Variants in DYM observed in about 807,000 individuals in gnomAD.
DYM encodes the protein dyggve-Melchior-Clausen syndrome protein.
A neutral mutation model predicts 93.1 loss-of-function variants in DYM; 78 were observed. The ratio of observed to expected loss-of-function variants is 0.84; its 90% CI spans 0.70 to 1.01. The LOEUF is 1.01. DYM is among the 50% of genes least tolerant of loss of function. The pLI is 0.00. For missense variants in DYM, 789 were observed against 845.0 expected, an observed-to-expected ratio of 0.93 and a Z score of 0.82; for synonymous variants, 321 against 319.7, an observed-to-expected ratio of 1.00 and a Z score of -0.04.
chr18:49,345,870 A>C (rs2064548008), intron 6 of DYM, among the ~76,000 whole-genome samples: 1 of 152,362 alleles, frequency 6.6e-6, no homozygotes, highest in South Asian at 2.1e-4. Context: ...GCGGCAATAC[A>C]ACCTGAGCAA....
intron 8 of DYM, among the ~76,000 whole-genome samples, chr18:49,292,139 C>G (rs2145961864): frequency 1.3e-5 from 2 of 152,284 alleles, no homozygotes; most frequent in South Asian, 4.1e-4. Flanking sequence ...TTGACTACTA[C>G]TGAATAAATT....
intron 14 of DYM, among the ~76,000 whole-genome samples, chr18:49,208,199 A>AAAAT (rs1568605883): frequency 6.6e-6 from 1 of 151,266 alleles, no homozygotes; most frequent in East Asian, 1.9e-4. Context: ...AAAAAAAAAA[A>AAAAT]AAAAATTAAA....
intron 14 of DYM, among the ~76,000 whole-genome samples, chr18:49,203,748 C>T (rs539845803): frequency 0.011 from 1,581 of 139,644 alleles, 26 homozygotes; most frequent in African/African-American, 0.04. Flanking sequence ...CTAGGAAAAC[C>T]AGAGACCTTT....
At chr18:49,106,498 C>T (rs2080825596) in intron 16 of DYM, among the ~76,000 whole-genome samples, 1 of 152,168 alleles carries the variant, frequency 6.6e-6, no homozygotes, top group East Asian at 1.9e-4. Flanking sequence ...TTCTTCCCAG[C>T]CTCAATGGTC....
At chr18:49,108,008 A>G (rs1270903082) in intron 16 of DYM, among the ~76,000 whole-genome samples, 1 of 152,222 alleles carries the variant, frequency 6.6e-6, no homozygotes, top group Non-Finnish European at 1.5e-5. Context: ...CAAGACGTGG[A>G]GTCTACAGAG....
At chr18:49,197,595 A>G (rs1026901749) in intron 14 of DYM, among the ~76,000 whole-genome samples, 5 of 152,154 alleles carry the variant, frequency 3.3e-5, no homozygotes, top group South Asian at 2.1e-4. Flanking sequence ...AAATTTATCT[A>G]TTATAGCCAA....
At chr18:49,348,711 C>T (rs7505756) in intron 6 of DYM, among the ~76,000 whole-genome samples, 90,345 of 151,516 alleles carry the variant, frequency 0.6, 27,412 homozygotes, top group Non-Finnish European at 0.66. Context: ...GACATAGAGG[C>T]CATCCTGGCC....
chr18:49,322,720 A>C (rs976639548), intron 8 of DYM, among the ~76,000 whole-genome samples: 1 of 152,142 alleles, frequency 6.6e-6, no homozygotes, highest in Non-Finnish European at 1.5e-5. Context: ...GGAAATCATA[A>C]GGCCTTTATT....
chr18:49,126,523 G>C (rs912515386), intron 15 of DYM: 2 of 152,022 alleles, frequency 1.3e-5, no homozygotes, highest in Non-Finnish European at 2.9e-5. Flanking sequence ...CTTGTAAAAA[G>C]AAGAAAAATC....
At chr18:49,444,781 T>G (rs1039335266) in intron 1 of DYM, among the ~76,000 whole-genome samples, 1 of 152,182 alleles carries the variant, frequency 6.6e-6, no homozygotes, top group African/African-American at 2.4e-5. Context: ...GAAAAGAGTC[T>G]AAAAGAATTC....
chr18:49,405,357 G>A (rs2071354148), intron 2 of DYM, among the ~76,000 whole-genome samples: 1 of 152,088 alleles, frequency 6.6e-6, no homozygotes, highest in Non-Finnish European at 1.5e-5. Context: ...AGGTTTTCTT[G>A]TAGGATTCCT....
intron 1 of DYM, among the ~76,000 whole-genome samples, chr18:49,430,837 A>G (rs1392192057): frequency 6.6e-6 from 1 of 151,370 alleles, no homozygotes; most frequent in African/African-American, 2.4e-5. Context: ...GTGGGCCAAG[A>G]TCGCGCCACT....
At chr18:49,364,269 A>AC (rs1367358986) in intron 5 of DYM, among the ~76,000 whole-genome samples, 1 of 152,154 alleles carries the variant, frequency 6.6e-6, no homozygotes, top group African/African-American at 2.4e-5. Flanking sequence ...ACATGGTGAA[A>AC]CCCCACCTCT....
chr18:49,086,964 G>C (rs947701129), intron 17 of DYM, among the ~76,000 whole-genome samples: 1 of 151,634 alleles, frequency 6.6e-6, no homozygotes, highest in Non-Finnish European at 1.5e-5. Flanking sequence ...CTCTAGCCCG[G>C]GTAACAGAGT....
At chr18:49,280,241 CA>C (rs1351481167) in intron 10 of DYM, among the ~76,000 whole-genome samples, 1 of 152,098 alleles carries the variant, frequency 6.6e-6, no homozygotes, top group Admixed American at 6.5e-5. Context: ...TGTCTATGAA[CA>C]AAAATTTGAG....
At position 49,250,862 on chromosome 18, in the gene DYM, T is replaced by C. The variant is rs148790614; in HGVS notation, c.1460+6148A>G. ...GATTCAGTAAAGCAGAAGCAGTGGG[T>C]ATATGGCAAATGGCAATTGAAGACG... On this transcript the variant is annotated intron_variant, in intron 13 of 17. Coordinates refer to ENST00000675505, the MANE Select transcript of DYM (RefSeq NM_001353214.3). 4.8e-3 allele frequency among the ~76,000 whole-genome samples: 735 copies of C among 152,304 alleles called. 4 individuals are homozygous for C. The highest frequency in any genetic ancestry group is 7.1e-3 in the Non-Finnish European group (480 of 68,024).
At chr18:49,348,649 C>T (rs987777592) in intron 6 of DYM, among the ~76,000 whole-genome samples, 1 of 151,992 alleles carries the variant, frequency 6.6e-6, no homozygotes, top group African/African-American at 2.4e-5. Context: ...TGGCTCACGC[C>T]TGTAATCCCA....
chr18:49,326,802 C>T (rs1431013757), intron 8 of DYM, among the ~76,000 whole-genome samples: 3 of 151,916 alleles, frequency 2.0e-5, no homozygotes, highest in Non-Finnish European at 2.9e-5. Context: ...GGAAAATATC[C>T]ATTTTCTTAT....
chr18:49,377,740 T>C (rs982070168), intron 5 of DYM, among the ~76,000 whole-genome samples: 5 of 152,230 alleles, frequency 3.3e-5, no homozygotes, highest in African/African-American at 1.2e-4. Context: ...AAAACACGTA[T>C]TTAGCAACAC....
Sources: allele counts gnomAD v4.1 joint callset (sites outside exome capture counted in the v4.1 genomes callset), GRCh38; gene constraint gnomAD v4.1.1; transcripts MANE v1.5; gene names NCBI Gene and HGNC (gene_info 2026-07-23, HGNC 2026-07-21).